NUDT6: variants seen among roughly 807,000 people sequenced by gnomAD.
NUDT6 encodes the protein FAD diphosphatase NUDT6.
Under a neutral mutation model 36.8 loss-of-function variants are expected in NUDT6, and 24 were observed. That is an observed-to-expected ratio of 0.65 (90% confidence interval 0.47 to 0.92). NUDT6 has a LOEUF of 0.92. Among genes scored for constraint, NUDT6 ranks in the 40% least tolerant of loss-of-function variants. The pLI is 0.00. For synonymous variants in NUDT6, 163 were observed against 157.0 expected (o/e 1.04, Z -0.29); for missense variants, 388 against 392.8 (o/e 0.99, Z 0.10).
chr4:122,912,367 CTGAG>C (rs1727748343), intron 3 of NUDT6, among the ~76,000 whole-genome samples, 197 bp downstream of exon 3: 2 of 152,182 alleles, frequency 1.3e-5, no homozygotes, highest in African/African-American at 2.4e-5. Context: ...GATAGTAACA[CTGAG>C]TGTTACCTGG....
chr4:122,922,666 AC>A, upstream of NUDT6: 1 of 1,082,676 alleles, frequency 9.2e-7, no homozygotes, highest in Non-Finnish European at 1.3e-6. Context: ...TGCCATCAAT[AC>A]CCTCAGAGTT....
chr4:122,912,560 C>G lies in NUDT6; in HGVS notation c.498+8G>C. The G allele has an allele frequency of 6.3e-7, 1 of 1,575,366 alleles. No homozygotes were observed. Among genetic ancestry groups the G allele is most frequent in the Non-Finnish European group, 8.7e-7 (1 of 1,146,448 alleles). On this transcript the variant is annotated splice_region_variant and intron_variant, in intron 3 of 4. Coordinates refer to ENST00000304430, the MANE Select transcript of NUDT6 (RefSeq NM_007083.5). ...TAGGAAGCAATTTATAAAACAGAAG[C>G]AGCTTACTTTATTTCGATCTTGTAC...
At chr4:122,904,084 T>C (rs1243902341) in intron 3 of NUDT6, among the ~76,000 whole-genome samples, 1 of 152,162 alleles carries the variant, frequency 6.6e-6, no homozygotes, top group Non-Finnish European at 1.5e-5. Flanking sequence ...CTTATCTGAC[T>C]AAAGGCAAAG....
intron 1 of NUDT6, chr4:122,919,799 T>A (rs893212013): frequency 2.6e-5 from 4 of 152,232 alleles, no homozygotes; most frequent in African/African-American, 9.6e-5. Flanking sequence ...ACTTATTACA[T>A]ATGACCTAAT....
At chr4:122,907,219 C>T (rs1438115180) in intron 3 of NUDT6, among the ~76,000 whole-genome samples, 1 of 152,110 alleles carries the variant, frequency 6.6e-6, no homozygotes, top group Non-Finnish European at 1.5e-5. Flanking sequence ...CAACGTCTGC[C>T]TCCTGGGTTC....
At chr4:122,919,841 T>C (rs1458757) in intron 1 of NUDT6, 140,430 of 152,252 alleles carry the variant, frequency 0.92, 64,869 homozygotes, top group East Asian at 0.96. Flanking sequence ...TTTTTCCAAT[T>C]CTATTTAATA....
At chr4:122,894,444 A>G (rs1020431692) in intron 4 of NUDT6, 1 of 152,206 alleles carries the variant, frequency 6.6e-6, no homozygotes, top group Admixed American at 6.5e-5. Context: ...ATAGCCAGGC[A>G]TGGTGGCGTG....
chr4:122,919,543 T>G (rs962539543), intron 1 of NUDT6: 1 of 152,204 alleles, frequency 6.6e-6, no homozygotes, highest in East Asian at 1.9e-4. Context: ...CCAAACTAGC[T>G]TCATTTATAA....
chr4:122,896,705 A>G (rs970363670), intron 4 of NUDT6: 2 of 152,244 alleles, frequency 1.3e-5, no homozygotes, highest in African/African-American at 4.8e-5. Context: ...AGTTGGCTAT[A>G]TAATGTATGT....
chr4:122,922,349 T>C lies in NUDT6; in HGVS notation c.224A>G (p.Gln75Arg), dbSNP rs1334931200. The stretch of plus-strand genomic sequence containing the variant: ...GGCGCACTTGCCCTGCAAGCCCTTC[T>C]GGAAGGCGGCAGCGTCCAGGCGGTC... ...ALDRLDAAAF[Q>R]KGLQAAVQQW... Residue 75 changes from glutamine (Q) to arginine (R), a missense_variant, in exon 1 of 5, where the codon CAG becomes CGG. Physicochemically the swap from Gln to Arg is conservative, Grantham distance 43 (BLOSUM62 1). Transcript: ENST00000304430. 1 of 1,601,648 alleles carries C rather than the reference T, an allele frequency of 6.2e-7. No individual in the cohort carries two copies. Among genetic ancestry groups the C allele is most frequent in the African/African-American group, 1.3e-5 (1 of 74,892 alleles).
chr4:122,902,349 C>T (rs1474047978), intron 3 of NUDT6, among the ~76,000 whole-genome samples: 1 of 152,176 alleles, frequency 6.6e-6, no homozygotes, highest in Non-Finnish European at 1.5e-5. Flanking sequence ...TAACACTTAT[C>T]TCCACCTTAC....
In NUDT6 at chr4:122,892,621, G is replaced by A. The variant is rs780912676; in HGVS notation, c.*207C>T. On this transcript the variant is annotated 3_prime_UTR_variant, in exon 5 of 5. Coordinates refer to ENST00000304430, the MANE Select transcript of NUDT6 (RefSeq NM_007083.5). ...TTTATATTGCATCTGCTGTTACCCA[G>A]TGAAGCTTACCTAGAGCAATGATCT... 8.4e-6 allele frequency: 12 copies of A among 1,430,846 alleles called. No individual in the cohort carries two copies. The highest frequency in any genetic ancestry group is 1.6e-5 in the South Asian group (1 of 64,128). The allele number at this position is 1,430,846 out of a possible 1,614,324, so 88.6% of individuals were successfully genotyped here.
intron 4 of NUDT6, chr4:122,897,048 G>A (rs754667365): frequency 6.6e-6 from 1 of 152,124 alleles, no homozygotes; most frequent in Non-Finnish European, 1.5e-5. Context: ...ACTGAGCTCA[G>A]TAAGTTGTGT....
chr4:122,893,275 A>G, intron 4 of NUDT6, 50 bp from the exon 5 acceptor site: 1 of 1,500,972 alleles, frequency 6.7e-7, no homozygotes, highest in Non-Finnish European at 8.9e-7. Flanking sequence ...ACTTTTAGAA[A>G]CTGTATCATC....
chr4:122,900,061 C>CCCG, intron 3 of NUDT6, among the ~76,000 whole-genome samples: 1 of 127,476 alleles, frequency 7.8e-6, no homozygotes, highest in South Asian at 3.5e-4. Flanking sequence ...CCCGCCACCC[C>CCCG]CCCCCCGGCC....
intron 2 of NUDT6, among the ~76,000 whole-genome samples, chr4:122,913,473 A>G (rs911684863): frequency 1.3e-5 from 2 of 152,194 alleles, no homozygotes; most frequent in East Asian, 3.8e-4. Flanking sequence ...GGGAACAAAC[A>G]TTCAGACAAC....
chr4:122,908,118 T>C (rs915118719), intron 3 of NUDT6, among the ~76,000 whole-genome samples: 1 of 152,108 alleles, frequency 6.6e-6, no homozygotes, highest in Non-Finnish European at 1.5e-5. Flanking sequence ...AAAAAAATCT[T>C]ATAAACTAAA....
chr4:122,901,450 T>C (rs998304306), intron 3 of NUDT6, among the ~76,000 whole-genome samples: 2 of 152,138 alleles, frequency 1.3e-5, no homozygotes, highest in Non-Finnish European at 2.9e-5. Flanking sequence ...CTGATGTTCT[T>C]TGTGTGTGTG....
chr4:122,903,373 T>C (rs1325836722), intron 3 of NUDT6, among the ~76,000 whole-genome samples: 1 of 152,178 alleles, frequency 6.6e-6, no homozygotes, highest in East Asian at 1.9e-4. Flanking sequence ...GGACCAATTA[T>C]TGGCAGGTTT....
Sources: allele counts gnomAD v4.1 joint callset (sites outside exome capture counted in the v4.1 genomes callset), GRCh38; gene constraint gnomAD v4.1.1; transcripts MANE v1.5; gene names NCBI Gene and HGNC (gene_info 2026-07-23, HGNC 2026-07-21).